Variants in ANKRD62 observed in about 807,000 individuals in gnomAD.
ANKRD62 encodes the protein ankyrin repeat domain-containing protein 62.
In ANKRD62, 61 loss-of-function variants were observed where a neutral mutation model predicts 98.8. The observed-to-expected ratio is 0.62, with a 90% CI of 0.50 to 0.76. The LOEUF is 0.76. Among genes scored for constraint, ANKRD62 ranks in the 30% least tolerant of loss-of-function variants. ANKRD62 has a pLI of 0.00. For missense variants in ANKRD62, 933 were observed against 1,082.9 expected (o/e 0.86, Z 1.94); for synonymous variants, 341 against 367.9 (o/e 0.93, Z 0.84).
intron 10 of ANKRD62, among the ~76,000 whole-genome samples, chr18:12,119,473 A>G (rs888337771): frequency 6.6e-5 from 10 of 152,130 alleles, no homozygotes; most frequent in Non-Finnish European, 1.2e-4. Context: ...GGTGCTGTCA[A>G]ATTTGCTGTG....
chr18:12,162,853 T>TA, the ANKRD62 span, among the ~76,000 whole-genome samples: 1 of 151,200 alleles, frequency 6.6e-6, no homozygotes, highest in Non-Finnish European at 1.5e-5. Context: ...TCTGGGTCTT[T>TA]ACTCTGTTGC....
chr18:12,098,854 G>A (rs1909240830), intron 5 of ANKRD62, among the ~76,000 whole-genome samples: 1 of 152,180 alleles, frequency 6.6e-6, no homozygotes, highest in Non-Finnish European at 1.5e-5. Context: ...ACAAAGATCT[G>A]CCAGTTCAGA....
chr18:12,170,162 C>G, the ANKRD62 span, among the ~76,000 whole-genome samples: 1 of 152,058 alleles, frequency 6.6e-6, no homozygotes, highest in African/African-American at 2.4e-5. Flanking sequence ...TATTTCTTGC[C>G]TTCTGCTAGC....
At chr18:12,139,252 C>A in the ANKRD62 span, among the ~76,000 whole-genome samples, 21 of 152,136 alleles carry the variant, frequency 1.4e-4, no homozygotes, top group African/African-American at 4.8e-4. Context: ...GTGACAAAAT[C>A]TCTCAGCATT....
chr18:12,119,493 A>G (rs1909739895), intron 10 of ANKRD62, among the ~76,000 whole-genome samples: 1 of 151,924 alleles, frequency 6.6e-6, no homozygotes, highest in African/African-American at 2.4e-5. Context: ...GTGGTAAGGA[A>G]CCTTCCTGGA....
chr18:12,107,353 A>G lies in ANKRD62; in HGVS notation c.950A>G (p.His317Arg). The G allele has an allele frequency of 1.3e-6, 2 of 1,516,936 alleles. No individual in the cohort carries two copies. Among genetic ancestry groups the G allele is most frequent in the Non-Finnish European group, 1.8e-6 (2 of 1,138,134 alleles). The allele number at this position is 1,516,936 out of a possible 1,614,324, so 94.0% of individuals were successfully genotyped here. Residue 317 changes from histidine (H) to arginine (R), a missense_variant, in exon 8 of 14, where the codon CAT (histidine) becomes CGT (arginine). Physicochemically the swap from His to Arg is conservative, Grantham distance 29. This residue lies in a region of ANKRD62 where 549 missense variants were observed against 587.9 expected (regional missense o/e 0.93). Coordinates refer to ENST00000587848, the MANE Select transcript of ANKRD62 (RefSeq NM_001277333.2). Reference sequence around the variant, plus strand: ...AAAATGGAAGTGTCAAGAAACGTACATGCTGATGACAGTGACAATTATAAT... The same window carrying G: ...AAAATGGAAGTGTCAAGAAACGTACGTGCTGATGACAGTGACAATTATAAT... Reference protein sequence around the residue: ...NKKMEVSRNVHADDSDNYNDD... With the variant: ...NKKMEVSRNVRADDSDNYNDD...
At chr18:12,115,057 C>T in intron 8 of ANKRD62, 31 bp from the exon 9 acceptor site, 1 of 1,368,458 alleles carries the variant, frequency 7.3e-7, no homozygotes, top group Non-Finnish European at 9.4e-7. Context: ...TTACTATTTG[C>T]CTGATTGGAA....
chr18:12,170,521 G>A, the ANKRD62 span, among the ~76,000 whole-genome samples: 7 of 152,094 alleles, frequency 4.6e-5, no homozygotes, highest in Non-Finnish European at 1.0e-4. Flanking sequence ...CTGTGCTTTT[G>A]CATTTGCTGA....
chr18:12,105,634 G>A (rs1339295063), intron 7 of ANKRD62, among the ~76,000 whole-genome samples: 1 of 152,132 alleles, frequency 6.6e-6, no homozygotes, highest in Non-Finnish European at 1.5e-5. Flanking sequence ...ATTATTTGGT[G>A]CATTCTAATT....
the ANKRD62 span, among the ~76,000 whole-genome samples, chr18:12,176,114 C>T: frequency 6.6e-6 from 1 of 151,762 alleles, no homozygotes; most frequent in Non-Finnish European, 1.5e-5. Context: ...ATCACTTGAA[C>T]CTGGGAGGCA....
At chr18:12,141,246 G>A in the ANKRD62 span, among the ~76,000 whole-genome samples, 1,547 of 152,344 alleles carry the variant, frequency 0.01, 9 homozygotes, top group Non-Finnish European at 0.015. Flanking sequence ...TCAAGGTGCT[G>A]TCTGTCACCC....
chr18:12,103,464 A>G (rs1909350097), intron 7 of ANKRD62, among the ~76,000 whole-genome samples: 1 of 152,112 alleles, frequency 6.6e-6, no homozygotes, highest in Non-Finnish European at 1.5e-5. Context: ...TTGCTGTTCC[A>G]TTTTTATAAC....
At chr18:12,178,359 G>A in the ANKRD62 span, among the ~76,000 whole-genome samples, 1 of 148,420 alleles carries the variant, frequency 6.7e-6, no homozygotes, top group Non-Finnish European at 1.5e-5. Context: ...CAGAGGGCTG[G>A]TGACCGGGAC....
At chr18:12,170,874 C>T in the ANKRD62 span, among the ~76,000 whole-genome samples, 2 of 151,890 alleles carry the variant, frequency 1.3e-5, no homozygotes, top group Non-Finnish European at 2.9e-5. Flanking sequence ...GATCCCTTTA[C>T]CATTATGTAA....
intron 7 of ANKRD62, 44 bp from the exon 8 acceptor site, chr18:12,107,251 A>G (rs1490736793): frequency 1.1e-5 from 15 of 1,366,188 alleles, no homozygotes; most frequent in Middle Eastern, 5.2e-4. Flanking sequence ...TTTCTATTGG[A>G]TAAAATAATG....
intron 8 of ANKRD62, among the ~76,000 whole-genome samples, chr18:12,114,662 C>G (rs1909621080): frequency 6.6e-6 from 1 of 152,034 alleles, no homozygotes; most frequent in Non-Finnish European, 1.5e-5. Flanking sequence ...CCCAAAAAGG[C>G]TAGCTAATGT....
chr18:12,172,889 G>T, the ANKRD62 span, among the ~76,000 whole-genome samples: 1 of 152,222 alleles, frequency 6.6e-6, no homozygotes, highest in East Asian at 1.9e-4. Flanking sequence ...GGCTCCATGG[G>T]CGTGGGACCC....
the ANKRD62 span, among the ~76,000 whole-genome samples, chr18:12,146,034 C>T: frequency 6.6e-6 from 1 of 151,896 alleles, no homozygotes; most frequent in Admixed American, 6.6e-5. Context: ...CAGGCCACAT[C>T]TTTGCCATTT....
At chr18:12,166,052 C>T in the ANKRD62 span, among the ~76,000 whole-genome samples, 1 of 152,080 alleles carries the variant, frequency 6.6e-6, no homozygotes, top group South Asian at 2.1e-4. Flanking sequence ...TCTCGTGTTG[C>T]TTTTAAGATC....
Sources: gnomAD v4.1 joint callset for allele counts (sites outside exome capture counted in the v4.1 genomes callset) on GRCh38, gnomAD v4.1.1 for gene constraint, gnomAD v4.1.1 regional missense constraint, MANE v1.5 for transcripts, NCBI Gene and HGNC (gene_info 2026-07-23, HGNC 2026-07-21) for gene names.